Variants in VWA3B observed in about 807,000 individuals in gnomAD.
VWA3B encodes von Willebrand factor A domain-containing protein 3B.
In VWA3B, 138 loss-of-function variants were observed where a neutral mutation model predicts 158.3. The ratio of observed to expected loss-of-function variants is 0.87; its 90% confidence interval spans 0.76 to 1.00. VWA3B has a LOEUF of 1.00. Among genes scored for constraint, VWA3B ranks in the 50% least tolerant of loss-of-function variants. The pLI is 0.00. For missense variants in VWA3B, 1,555 were observed against 1,565.1 expected (o/e 0.99, Z 0.11); for synonymous variants, 596 against 587.3 (o/e 1.01, Z -0.21).
rs143803445 is a variant in VWA3B at position 98,225,232 on chromosome 2, C to T, written c.2020-2970C>T. On this transcript the variant is annotated intron_variant, in intron 14 of 27. Transcript: ENST00000477737. ...TACAGGCATGAGCCGCCCCACCTGG[C>T]TACTTGTTTTTGTATATTGGAAATA... Among the ~76,000 whole-genome samples, 1,043 of 152,324 alleles carry T rather than the reference C, an allele frequency of 6.8e-3. 10 individuals carry two copies. Among genetic ancestry groups the T allele is most frequent in the African/African-American group, 0.024 (994 of 41,556 alleles).
At chr2:98,088,178 C>T (rs1682002589) in intron 1 of VWA3B, among the ~76,000 whole-genome samples, 1 of 152,222 alleles carries the variant, frequency 6.6e-6, no homozygotes, top group Non-Finnish European at 1.5e-5. Flanking sequence ...TCATCGTTCA[C>T]AAATTCACCT....
chr2:98,152,119 G>T (rs559709199), intron 7 of VWA3B, among the ~76,000 whole-genome samples: 1 of 152,192 alleles, frequency 6.6e-6, no homozygotes, highest in Non-Finnish European at 1.5e-5. Context: ...GGCCGCAGGG[G>T]CCTTTCTAGA....
At chr2:98,142,416 C>T (rs896464501) in intron 7 of VWA3B, among the ~76,000 whole-genome samples, 1 of 152,206 alleles carries the variant, frequency 6.6e-6, no homozygotes, top group Non-Finnish European at 1.5e-5. Flanking sequence ...AGCCTGGCTC[C>T]TTCCAGCTTC....
chr2:98,327,276 G>A, the VWA3B span, among the ~76,000 whole-genome samples: 1 of 151,968 alleles, frequency 6.6e-6, no homozygotes, highest in Admixed American at 6.6e-5. Flanking sequence ...CTGGGCAACA[G>A]AGCAAGACCC....
At chr2:98,198,704 C>T (rs1007018447) in intron 12 of VWA3B, among the ~76,000 whole-genome samples, 1 of 152,134 alleles carries the variant, frequency 6.6e-6, no homozygotes, top group African/African-American at 2.4e-5. Context: ...TCCTGGTAAA[C>T]ACTGCTCTGT....
intron 12 of VWA3B, among the ~76,000 whole-genome samples, chr2:98,195,703 A>G (rs963036463): frequency 6.6e-6 from 1 of 152,206 alleles, no homozygotes; most frequent in Non-Finnish European, 1.5e-5. Flanking sequence ...GCATAAAAAC[A>G]TCATTGGGTT....
At chr2:98,119,140 G>A (rs1159256828) in intron 3 of VWA3B, among the ~76,000 whole-genome samples, 1 of 152,204 alleles carries the variant, frequency 6.6e-6, no homozygotes, top group Non-Finnish European at 1.5e-5. Flanking sequence ...GGAATGTTAT[G>A]TTTAGGAAAA....
chr2:98,111,911 CTTTAA>C (rs1476647825), intron 2 of VWA3B, among the ~76,000 whole-genome samples: 1 of 152,108 alleles, frequency 6.6e-6, no homozygotes, highest in Non-Finnish European at 1.5e-5. Flanking sequence ...AGCAGAAGCT[CTTTAA>C]TTTAATTAGG....
At chr2:98,198,237 C>T (rs1014006664) in intron 12 of VWA3B, among the ~76,000 whole-genome samples, 1 of 152,054 alleles carries the variant, frequency 6.6e-6, no homozygotes, top group Non-Finnish European at 1.5e-5. Context: ...ATTCTCATTA[C>T]CTATAACATA....
intron 2 of VWA3B, among the ~76,000 whole-genome samples, chr2:98,103,367 T>A (rs935888544): frequency 6.6e-6 from 1 of 152,276 alleles, no homozygotes; most frequent in South Asian, 2.1e-4. Context: ...CTTTTAAAGA[T>A]ATAAATTTAA....
At chr2:98,203,265 G>A (rs1682734506) in intron 12 of VWA3B, among the ~76,000 whole-genome samples, 1 of 152,172 alleles carries the variant, frequency 6.6e-6, no homozygotes, top group Non-Finnish European at 1.5e-5. Flanking sequence ...CTTTGTATGG[G>A]TTCCCTGTTC....
At position 98,192,953 on chromosome 2, in the gene VWA3B, T is replaced by G; in HGVS notation, c.1522T>G (p.Cys508Gly). Residue 508 changes from cysteine to glycine, a missense_variant, in exon 11 of 28, where the codon TGC becomes GGC. Transcript: ENST00000477737. Reference protein sequence around the residue: ...QSLFGRLHNDCIYILIDTSHS... With the variant: ...QSLFGRLHNDGIYILIDTSHS... ...CCTCTTTGGAAGATTGCATAATGAT[T>G]GCATCTACATTCTCATTGACACGTC... The G allele has an allele frequency of 6.2e-7, 1 of 1,614,200 alleles. No individual in the cohort carries two copies. Among genetic ancestry groups the G allele is most frequent in the Non-Finnish European group, 8.5e-7 (1 of 1,180,028 alleles).
intron 17 of VWA3B, among the ~76,000 whole-genome samples, chr2:98,235,447 G>A (rs1286701638): frequency 6.7e-6 from 1 of 149,208 alleles, no homozygotes; most frequent in East Asian, 2.0e-4. Context: ...TTTTTTTGAG[G>A]TAGAGTCTCA....
At chr2:98,297,168 A>G (rs62155295) in intron 23 of VWA3B, among the ~76,000 whole-genome samples, 5,927 of 150,312 alleles carry the variant, frequency 0.039, 168 homozygotes, top group Middle Eastern at 0.076. Flanking sequence ...TGCAACCTCC[A>G]CCTCCCGGGT....
chr2:98,120,709 G>C (rs1674890876), intron 4 of VWA3B, among the ~76,000 whole-genome samples: 1 of 152,062 alleles, frequency 6.6e-6, no homozygotes. Context: ...TCTTTTTTTG[G>C]AATTGGGAGT....
intron 25 of VWA3B, among the ~76,000 whole-genome samples, chr2:98,302,558 C>T (rs1004745057): frequency 1.3e-5 from 2 of 152,222 alleles, no homozygotes; most frequent in African/African-American, 4.8e-5. Context: ...TAGGACCTTA[C>T]TGTGTGCCAT....
chr2:98,151,529 A>G (rs1677635317), intron 7 of VWA3B, among the ~76,000 whole-genome samples: 2 of 152,090 alleles, frequency 1.3e-5, no homozygotes, highest in African/African-American at 4.8e-5. Flanking sequence ...TTCATGTCCT[A>G]CAGCAATGGG....
intron 24 of VWA3B, among the ~76,000 whole-genome samples, chr2:98,298,437 CTATT>C (rs1558773844): frequency 1.4e-3 from 196 of 143,182 alleles, no homozygotes; most frequent in Middle Eastern, 3.7e-3. Context: ...CTATTCTATT[CTATT>C]CTATGCCATG....
chr2:98,148,986 A>G (rs1471136527), intron 7 of VWA3B, among the ~76,000 whole-genome samples: 1 of 152,204 alleles, frequency 6.6e-6, no homozygotes, highest in Non-Finnish European at 1.5e-5. Context: ...AGGGGAGTGC[A>G]CATGTGTGCT....
Sources: allele counts gnomAD v4.1 joint callset (sites outside exome capture counted in the v4.1 genomes callset), GRCh38; gene constraint gnomAD v4.1.1; transcripts MANE v1.5; gene names NCBI Gene and HGNC (gene_info 2026-07-23, HGNC 2026-07-21).